Variants in ATRIP observed in about 807,000 individuals in gnomAD.
The protein encoded by ATRIP is ATR interacting protein.
In ATRIP, 44 loss-of-function variants were observed where a neutral mutation model predicts 78.1. The ratio of observed to expected loss-of-function variants is 0.56; its 90% CI spans 0.44 to 0.72. The LOEUF (loss-of-function observed/expected upper bound fraction) is 0.72. ATRIP is among the 30% of genes least tolerant of loss of function. ATRIP has a pLI of 0.00. For missense variants in ATRIP, 927 were observed against 980.2 expected (o/e 0.95, Z 0.72); for synonymous variants, 388 against 408.9 (o/e 0.95, Z 0.62).
intron 5 of ATRIP, among the ~76,000 whole-genome samples, chr3:48,458,355 ACT>A (rs1251208975): frequency 7.2e-6 from 1 of 139,516 alleles, no homozygotes; most frequent in African/African-American, 2.7e-5. Flanking sequence ...GCGGAGTCTC[ACT>A]CTGTCACCAG....
At chr3:48,463,380 T>C (rs548317960) in intron 8 of ATRIP, among the ~76,000 whole-genome samples, 64 of 152,102 alleles carry the variant, frequency 4.2e-4, no homozygotes, top group African/African-American at 1.4e-3. Flanking sequence ...GGTCAGTCCT[T>C]CTGTGGGCAC....
Position 48,467,503 on chromosome 3 carries a change from C to G in ATRIP, c.*1949C>G. 1.2e-6 allele frequency: 2 copies of G among 1,614,098 alleles called. No homozygotes were observed. Among genetic ancestry groups the G allele is most frequent in the Non-Finnish European group, 1.7e-6 (2 of 1,180,016 alleles). On this transcript the variant is annotated 3_prime_UTR_variant, in exon 13 of 13. Coordinates refer to ENST00000320211, the MANE Select transcript of ATRIP (RefSeq NM_130384.3). Reference sequence around the variant, plus strand: ...CCAGTGAAGGACCCTGGAGCCCTATCCAGGGAGGGGCTGCTGGCCCCACTG... The same window carrying G: ...CCAGTGAAGGACCCTGGAGCCCTATGCAGGGAGGGGCTGCTGGCCCCACTG...
intron 4 of ATRIP, among the ~76,000 whole-genome samples, chr3:48,455,545 A>G (rs2039934491): frequency 6.6e-6 from 1 of 151,544 alleles, no homozygotes; most frequent in Admixed American, 6.6e-5. Context: ...GCTGGAGTGT[A>G]GTCACATGAT....
chr3:48,463,902 C>T lies in ATRIP; in HGVS notation c.1882+21C>T, dbSNP rs748635872. The T allele has an allele frequency of 6.2e-6, 10 of 1,612,150 alleles. No individual in the cohort carries two copies. In the African/African-American group the frequency reaches 8.0e-5, roughly 13 times the overall value. ...CTCAGGTAAAGCAGGGTGGGGCGGG[C>T]GTCTAGACTGCTCCTGCAGATCAAG... On this transcript the variant is annotated intron_variant, in intron 9 of 12. Transcript: ENST00000320211.
At chr3:48,458,536 G>A (rs1382247107) in intron 5 of ATRIP, among the ~76,000 whole-genome samples, 1 of 151,898 alleles carries the variant, frequency 6.6e-6, no homozygotes, top group African/African-American at 2.4e-5. Context: ...TGGCCTGGAT[G>A]GTCTCAATCT....
At chr3:48,452,015 T>G (rs1368975525) in intron 3 of ATRIP, 116 bp downstream of exon 3, 4 of 1,036,326 alleles carry the variant, frequency 3.9e-6, no homozygotes, top group South Asian at 2.0e-5. Flanking sequence ...AAATACTTTC[T>G]GCTATCATCT....
At chr3:48,447,277 A>C in intron 1 of ATRIP, 185 bp downstream of exon 1, 1 of 1,255,928 alleles carries the variant, frequency 8.0e-7, no homozygotes, top group Non-Finnish European at 1.0e-6. Flanking sequence ...GAAATGCATT[A>C]GCCAGGTCAA....
chr3:48,447,086 G>C lies in ATRIP; in HGVS notation c.241G>C (p.Val81Leu). 1 of 1,546,684 alleles carries C rather than the reference G, an allele frequency of 6.5e-7. No individual in the cohort carries two copies. Among genetic ancestry groups the C allele is most frequent in the Non-Finnish European group, 8.7e-7 (1 of 1,149,090 alleles). The change falls in exon 1 of 13, where the codon GTG (valine) becomes CTG (leucine). Residue 81 changes from valine (V) to leucine (L), a missense_variant. Coordinates refer to ENST00000320211, the MANE Select transcript of ATRIP (RefSeq NM_130384.3). ...CCAATGTCCGGCCGCGGCTCGGGACGTGTCCAGTGAGTGCTCCTCGCGGCC... is the reference window on the plus strand; with the variant it reads ...CCAATGTCCGGCCGCGGCTCGGGACCTGTCCAGTGAGTGCTCCTCGCGGCC... ...LSQCPAAARDVSSDHKVHRLL... is the reference protein window; with the variant it reads ...LSQCPAAARDLSSDHKVHRLL...
Position 48,464,842 on chromosome 3 carries a change from G to C in ATRIP, c.2067G>C (p.Ala689=), listed in dbSNP as rs765650313. The C allele has an allele frequency of 1.2e-6, 2 of 1,611,186 alleles. No homozygotes were observed. Among genetic ancestry groups the C allele is most frequent in the Non-Finnish European group, 1.7e-6 (2 of 1,177,816 alleles). ...CCCCCCTCTCTCAGGTGGTCAGAGCGCTCACGGTGATGTTGCACAGACAGT... is the reference window on the plus strand; with the variant it reads ...CCCCCCTCTCTCAGGTGGTCAGAGCCCTCACGGTGATGTTGCACAGACAGT... ...NCQCNVEVVR[A]LTVMLHRQWL... is the part of the protein sequence containing the mutation. The change falls in exon 12 of 13, where the codon GCG becomes GCC. Residue 689 remains alanine, a synonymous_variant. Transcript: ENST00000320211.
chr3:48,467,105 C>G lies in ATRIP; in HGVS notation c.*1551C>G, dbSNP rs2040352040. 1.2e-6 allele frequency: 2 copies of G among 1,613,990 alleles called. No homozygotes were observed. The stretch of plus-strand genomic sequence containing the variant: ...GCCTCACCAGTGCTCTGGATGGTGC[C>G]TTCTGTGTGGATAGCATCACTGCGC... On this transcript the variant is annotated 3_prime_UTR_variant, in exon 13 of 13. Coordinates refer to ENST00000320211, the MANE Select transcript of ATRIP (RefSeq NM_130384.3).
rs2039680690 is a variant in ATRIP, at chr3:48,446,762, G to T, written c.-84G>T. 3.8e-6 allele frequency: 5 copies of T among 1,321,724 alleles called. No homozygotes were observed. The highest frequency in any genetic ancestry group is 3.1e-5 in the Admixed American group (1 of 32,072). The allele number at this position is 1,321,724 out of a possible 1,614,324, so 81.9% of individuals were successfully genotyped here. A position where few individuals can be genotyped will look rare whatever the true frequency, so the allele number is the denominator to read the frequency against. On this transcript the variant is annotated 5_prime_UTR_variant, in exon 1 of 13. Coordinates refer to ENST00000320211, the MANE Select transcript of ATRIP (RefSeq NM_130384.3). ...ACTCGCGGCGGAGGCAAGCGGCGGCGCGCGGACGGTTGGTCCAGTTCTCCG... is the reference window on the plus strand; with the variant it reads ...ACTCGCGGCGGAGGCAAGCGGCGGCTCGCGGACGGTTGGTCCAGTTCTCCG...
intron 5 of ATRIP, 116 bp downstream of exon 5, chr3:48,457,532 G>GATTGTCCCCTCT: frequency 1.2e-6 from 1 of 834,888 alleles, no homozygotes; most frequent in Non-Finnish European, 1.7e-6. Flanking sequence ...AAGGCACAGA[G>GATTGTCCCCTCT]GGGACAATCT....
chr3:48,460,657 C>T lies in ATRIP; in HGVS notation c.1603C>T (p.Gln535Ter). ...ALRGVADDQGQHPLLKMLLHL... is the reference protein window; with the variant it reads ...ALRGVADDQG ...AAGGGGGGTTGCTGATGACCAAGGA[C>T]AGCACCCACTGTTGAAGATGCTTCT... The change falls in exon 8 of 13, where the codon CAG becomes TAG. Residue 535 changes from glutamine to a stop codon, truncating the protein, a stop_gained. Transcript: ENST00000320211. LOFTEE classifies it high-confidence loss of function. The T allele has an allele frequency of 6.2e-7, 1 of 1,614,190 alleles. No homozygotes were observed. Among genetic ancestry groups the T allele is most frequent in the South Asian group, 1.1e-5 (1 of 91,082 alleles).
At chr3:48,461,012 A>C (rs2040092437) in intron 8 of ATRIP, among the ~76,000 whole-genome samples, 1 of 152,240 alleles carries the variant, frequency 6.6e-6, no homozygotes, top group Non-Finnish European at 1.5e-5. Context: ...TCTGAACAAC[A>C]GGTAAGCAAA....
rs2040238866 is a variant in ATRIP, at chr3:48,465,055, A to G, written c.2280A>G (p.Arg760=). The G allele has an allele frequency of 6.2e-7, 1 of 1,612,828 alleles. No homozygotes were observed. The highest frequency in any genetic ancestry group is 1.7e-5 in the Admixed American group (1 of 59,980). Residue 760 remains arginine, a synonymous_variant, in exon 12 of 13, where the codon CGA becomes CGG. Coordinates refer to ENST00000320211, the MANE Select transcript of ATRIP (RefSeq NM_130384.3). ...TGCCGGGGGTCAGCATGCTCATCCG[A>G]GGGCTTCCTGATGTGACGGACTGTG... ...QVMPGVSMLI[R]GLPDVTDCEE...
chr3:48,451,471 A>G (rs1444615901), intron 2 of ATRIP, among the ~76,000 whole-genome samples: 5 of 152,158 alleles, frequency 3.3e-5, no homozygotes, highest in African/African-American at 7.2e-5. Flanking sequence ...AGCCTAAGCA[A>G]CCCCATCCCC....
rs2039843981 is a variant in ATRIP, at chr3:48,451,811, T to C, written c.464T>C (p.Val155Ala). ...GACTCACTACATCAGACGGAATCCG[T>C]TCTAGAGGAACAGAGAAGATCACAT... ...LRDSLHQTESVLEEQRRSHFL... is the reference protein window; with the variant it reads ...LRDSLHQTESALEEQRRSHFL... The change falls in exon 3 of 13, where the codon GTT becomes GCT. Residue 155 changes from valine (V) to alanine (A), a missense_variant. Coordinates refer to ENST00000320211, the MANE Select transcript of ATRIP (RefSeq NM_130384.3). 1 of 1,613,186 alleles carries C rather than the reference T, an allele frequency of 6.2e-7. No individual in the cohort carries two copies. Among genetic ancestry groups the C allele is most frequent in the Admixed American group, 1.7e-5 (1 of 59,940 alleles).
rs1490091548 is a variant in ATRIP, at chr3:48,446,750, G to A, written c.-96G>A. On this transcript the variant is annotated 5_prime_UTR_variant, in exon 1 of 13. Transcript: ENST00000320211. ...CAGGGGCGGGGCACTCGCGGCGGAG[G>A]CAAGCGGCGGCGCGCGGACGGTTGG... The A allele has an allele frequency of 3.0e-6, 4 of 1,311,708 alleles. No homozygotes were observed. Among genetic ancestry groups the A allele is most frequent in the African/African-American group, 3.0e-5 (2 of 65,638 alleles). The allele number at this position is 1,311,708 out of a possible 1,614,324, so 81.3% of individuals were successfully genotyped here.
intron 1 of ATRIP, among the ~76,000 whole-genome samples, chr3:48,449,329 G>T (rs533610410): frequency 7.1e-6 from 1 of 141,570 alleles, no homozygotes; most frequent in South Asian, 2.3e-4. Flanking sequence ...CACAAGAATC[G>T]CTTGAACCTG....
Sources: allele counts gnomAD v4.1 joint callset (sites outside exome capture counted in the v4.1 genomes callset), GRCh38; gene constraint gnomAD v4.1.1; transcripts MANE v1.5; gene names NCBI Gene and HGNC (gene_info 2026-07-23, HGNC 2026-07-21).